GSS: variants seen among roughly 807,000 people sequenced by gnomAD.
The protein encoded by GSS is glutathione synthetase, also known as GSH synthetase.
GSS carries 34 observed loss-of-function variants against 60.4 expected under a neutral mutation model. The observed-to-expected ratio is 0.56, with a 90% confidence interval of 0.43 to 0.75. The LOEUF is 0.75. Among genes scored for constraint, GSS ranks in the 30% least tolerant of loss-of-function variants. GSS has a pLI of 0.00. For synonymous variants in GSS, 224 were observed against 239.0 expected (o/e 0.94, Z 0.58); for missense variants, 499 against 595.1 (o/e 0.84, Z 1.68).
chr20:34,942,804 A>G (rs941700359), intron 4 of GSS, 127 bp downstream of exon 4: 59 of 898,876 alleles, frequency 6.6e-5, no homozygotes, highest in Non-Finnish European at 9.5e-5. Flanking sequence ...GGATAAACCC[A>G]GTGAGGACCA....
intron 6 of GSS, 118 bp from the exon 7 acceptor site, chr20:34,937,141 G>C: frequency 1.4e-6 from 1 of 731,192 alleles, no homozygotes; most frequent in Non-Finnish European, 2.4e-6. Flanking sequence ...CCGCTTCCCT[G>C]AAAGAACAGA....
Position 34,937,922 on chromosome 20 carries a change from A to C in GSS, c.609-899T>G, listed in dbSNP as rs190803197. On this transcript the variant is annotated intron_variant, in intron 6 of 12. Coordinates refer to ENST00000651619, the MANE Select transcript of GSS (RefSeq NM_000178.4). The stretch of plus-strand genomic sequence containing the variant: ...GCCCAGGCTGGAGTGCAGTGGCACA[A>C]TCTAGGCTCACTGCAACCTCCACCC... 2.6e-4 allele frequency among the ~76,000 whole-genome samples: 40 copies of C among 152,198 alleles called. No individual in the cohort carries two copies. The East Asian group carries it at 7.5e-3, about 29-fold the overall frequency.
rs1258208310 is a variant in GSS, at chr20:34,955,756, C to T, written c.-38G>A. ...TCGCCTTTCCTCCGCGAACGGTTCT[C>T]CCGGCCCTCGCGCCGCTACCCAGGC... On this transcript the variant is annotated 5_prime_UTR_variant, in exon 1 of 13. Coordinates refer to ENST00000651619, the MANE Select transcript of GSS (RefSeq NM_000178.4). 1 of 152,280 alleles carries T rather than the reference C, an allele frequency of 6.6e-6. No individual in the cohort carries two copies. The allele number at this position is 152,280 out of a possible 1,614,324, so 9.4% of individuals were successfully genotyped here.
At chr20:34,949,682 C>G (rs1333410301) in intron 2 of GSS, 2 of 152,126 alleles carry the variant, frequency 1.3e-5, no homozygotes, top group African/African-American at 2.4e-5. Flanking sequence ...TTTAAATAAC[C>G]TCAGGTAGGT....
chr20:34,942,680 A>C, intron 4 of GSS, 53 bp from the exon 5 acceptor site: 6 of 1,562,790 alleles, frequency 3.8e-6, no homozygotes, highest in Non-Finnish European at 5.3e-6. Flanking sequence ...GACTCTGAGG[A>C]CCTAGCCACA....
In GSS at chr20:34,936,947, C is replaced by A. The variant is rs771156364; in HGVS notation, c.685G>T (p.Ala229Ser). Residue 229 changes from alanine (A) to serine (S), a missense_variant, in exon 7 of 13, where the codon GCC (alanine) becomes TCC (serine). Physicochemically the swap from Ala to Ser is moderately conservative, Grantham distance 99. Coordinates refer to ENST00000651619, the MANE Select transcript of GSS (RefSeq NM_000178.4). ...AGTCCCCCTTCCTTTACTTACCTGGCCAGTAGCTCATTCTCTATGGCACGC... is the reference window on the plus strand; with the variant it reads ...AGTCCCCCTTCCTTTACTTACCTGGACAGTAGCTCATTCTCTATGGCACGC... ...DQRAIENELL[A>S]RNIHVIRRTF... 9.9e-6 allele frequency: 16 copies of A among 1,613,442 alleles called. No homozygotes were observed. The highest frequency in any genetic ancestry group is 1.4e-5 in the Non-Finnish European group (16 of 1,179,398).
At chr20:34,950,013 T>TCTCTCTCACACACACACACACACA (rs144768623) in intron 2 of GSS, 8 of 124,968 alleles carry the variant, frequency 6.4e-5, no homozygotes, top group African/African-American at 1.8e-4. Flanking sequence ...TCTCTCTCTC[T>TCTCTCTCACACACACACACACACA]CACACACACA....
intron 9 of GSS, among the ~76,000 whole-genome samples, chr20:34,933,366 T>C (rs762242481): frequency 6.6e-6 from 1 of 152,072 alleles, no homozygotes. Context: ...TGAGACTCAA[T>C]AGGGAAGGGA....
rs2081400720 is a variant in GSS at position 34,931,421 on chromosome 20, G to C, written c.1030-4C>G. ...TGGCCTGGTCCCCTTCTTCACCCTGGCAGGAGGCAGAAAGCAGTTATCAAA... is the reference window on the plus strand; with the variant it reads ...TGGCCTGGTCCCCTTCTTCACCCTGCCAGGAGGCAGAAAGCAGTTATCAAA... On this transcript the variant is annotated splice_region_variant and splice_polypyrimidine_tract_variant and intron_variant, in intron 10 of 12. Coordinates refer to ENST00000651619, the MANE Select transcript of GSS (RefSeq NM_000178.4). 1 of 1,613,260 alleles carries C rather than the reference G, an allele frequency of 6.2e-7. No individual in the cohort carries two copies. Among genetic ancestry groups the C allele is most frequent in the Middle Eastern group, 1.7e-4 (1 of 6,060 alleles).
At chr20:34,950,133 G>A (rs909040542) in intron 2 of GSS, 2 of 152,050 alleles carry the variant, frequency 1.3e-5, no homozygotes, top group African/African-American at 4.8e-5. Context: ...GAAAGACCAA[G>A]TGTTGGATCT....
intron 9 of GSS, among the ~76,000 whole-genome samples, chr20:34,933,123 G>A (rs1227722000): frequency 1.3e-5 from 2 of 152,152 alleles, no homozygotes; most frequent in Non-Finnish European, 2.9e-5. Context: ...TGGGATTACA[G>A]GTACGAGCCA....
chr20:34,941,929 GA>G (rs2081486202), intron 5 of GSS, 100 bp from the exon 6 acceptor site: 4 of 773,190 alleles, frequency 5.2e-6, no homozygotes, highest in African/African-American at 1.7e-5. Context: ...AGAATCAGCT[GA>G]GCACTAAAAA....
chr20:34,936,990 T>G lies in GSS; in HGVS notation c.642A>C (p.Glu214Asp), dbSNP rs2081446058. ...TGGCACGCTGGTCAAATATGTTTCT[T>G]TCCTTCTCTTGAGCAATCAGTAGCA... ...ALVLLIAQEK[E>D]RNIFDQRAIE... The change falls in exon 7 of 13, where the codon GAA becomes GAC. Residue 214 changes from glutamate (E) to aspartate (D), a missense_variant. Coordinates refer to ENST00000651619, the MANE Select transcript of GSS (RefSeq NM_000178.4). The G allele has an allele frequency of 6.2e-7, 1 of 1,613,944 alleles. No homozygotes were observed. Among genetic ancestry groups the G allele is most frequent in the Admixed American group, 1.7e-5 (1 of 60,004 alleles).
chr20:34,931,429 C>T lies in GSS; in HGVS notation c.1030-12G>A. 1.9e-6 allele frequency: 3 copies of T among 1,611,610 alleles called. No homozygotes were observed. Among genetic ancestry groups the T allele is most frequent in the Non-Finnish European group, 2.5e-6 (3 of 1,177,692 alleles). On this transcript the variant is annotated splice_polypyrimidine_tract_variant and intron_variant, in intron 10 of 12. Coordinates refer to ENST00000651619, the MANE Select transcript of GSS (RefSeq NM_000178.4). ...TCCCCTTCTTCACCCTGGCAGGAGG[C>T]AGAAAGCAGTTATCAAAAGTTTAAA... is the stretch of plus-strand genomic sequence containing the variant.
In GSS at chr20:34,951,753, T is replaced by C. The variant is rs1368169651; in HGVS notation, c.100A>G (p.Arg34Gly). The C allele has an allele frequency of 6.8e-6, 11 of 1,611,828 alleles. No homozygotes were observed. The highest frequency in any genetic ancestry group is 9.3e-6 in the Non-Finnish European group (11 of 1,178,908). Residue 34 changes from arginine (R) to glycine (G), a missense_variant, in exon 2 of 13, where the codon AGG (arginine) becomes GGG (glycine). Arg to Gly is a moderately radical substitution (Grantham distance 125). Transcript: ENST00000651619. The stretch of plus-strand genomic sequence containing the variant: ...GAGGAAGTGGGCTCCTGTGAGGTCC[T>C]CAGCAATACTCCCTCAGCCAGGGCC... ...DRALAEGVLL[R>G]TSQEPTSSEV...
chr20:34,952,129 C>A, intron 1 of GSS: 1 of 482,484 alleles, frequency 2.1e-6, no homozygotes, highest in Non-Finnish European at 3.8e-6. Context: ...GAAGCAGAGG[C>A]TTGGAGAGGT....
chr20:34,929,426 G>A lies in GSS; in HGVS notation c.1276C>T (p.Leu426=), dbSNP rs374393467. The change falls in exon 12 of 13, where the codon CTG becomes TTG. Residue 426 remains leucine, a synonymous_variant. Transcript: ENST00000651619. ...PARVVQCISE[L]GIFGVYVRQE... is the part of the protein sequence containing the mutation. ...CTGACATAGACCCCAAAGATGCCCA[G>A]CTCTGAAATGCACTGGACCACTCGG... is the stretch of plus-strand genomic sequence containing the variant. 9.3e-6 allele frequency: 15 copies of A among 1,613,980 alleles called. No individual in the cohort carries two copies. The African/African-American group carries it at 2.0e-4, about 22-fold the overall frequency.
At chr20:34,955,986 CG>C (rs933983423), upstream of GSS, 7 of 152,254 alleles carry the variant, frequency 4.6e-5, no homozygotes, top group Non-Finnish European at 8.8e-5. Flanking sequence ...AGGGGACCAT[CG>C]GGGTCGGCGG....
rs753938764 is a variant in GSS, at chr20:34,942,548, T to C, written c.431A>G (p.Glu144Gly). 1 of 1,614,054 alleles carries C rather than the reference T, an allele frequency of 6.2e-7. No individual in the cohort carries two copies. Among genetic ancestry groups the C allele is most frequent in the Non-Finnish European group, 8.5e-7 (1 of 1,179,940 alleles). ...AAAGCTGGCAGAGATGGTGTTGATT[T>C]CGATCTGTTTCAGGGCTGGGGAGCC... ...ADGSPALKQI[E>G]INTISASFGG... Residue 144 changes from glutamate to glycine, a missense_variant, in exon 5 of 13, where the codon GAA (glutamate) becomes GGA (glycine). Coordinates refer to ENST00000651619, the MANE Select transcript of GSS (RefSeq NM_000178.4).
Sources: gnomAD v4.1 joint callset for allele counts (sites outside exome capture counted in the v4.1 genomes callset) on GRCh38, gnomAD v4.1.1 for gene constraint, MANE v1.5 for transcripts, NCBI Gene and HGNC (gene_info 2026-07-23, HGNC 2026-07-21) for gene names.